Variants in FMO1 observed in about 807,000 individuals in gnomAD.
FMO1 encodes flavin containing dimethylaniline monoxygenase 1.
In FMO1, 36 loss-of-function variants were observed where a neutral mutation model predicts 45.4. The ratio of observed to expected loss-of-function variants is 0.79; its 90% CI spans 0.61 to 1.05. The LOEUF (loss-of-function observed/expected upper bound fraction) is 1.05, where lower values mean the gene tolerates loss of function less well. FMO1 is among the 50% of genes least tolerant of loss of function. The pLI, the probability that FMO1 is intolerant of heterozygous loss-of-function variation, is 0.00. For synonymous variants in FMO1, 228 were observed against 227.2 expected (o/e 1.00, Z -0.03); for missense variants, 615 against 640.3 (o/e 0.96, Z 0.43).
At chr1:171,283,304 G>GAA (rs1357287391) in intron 8 of FMO1, 88 bp downstream of exon 8, 2 of 346,124 alleles carry the variant, frequency 5.8e-6, no homozygotes, top group African/African-American at 9.2e-5. Context: ...AAAAGGAAAT[G>GAA]AAAAAGAAAA....
intron 4 of FMO1, 150 bp downstream of exon 4, chr1:171,275,658 T>C (rs1661080124): frequency 3.4e-6 from 2 of 592,754 alleles, no homozygotes; most frequent in Admixed American, 3.5e-5. Context: ...TTTGTTTTTT[T>C]CTAGCCAGCA....
At chr1:171,260,811 TCCCA>T (rs1660345648) in intron 2 of FMO1, among the ~76,000 whole-genome samples, 2 of 142,766 alleles carry the variant, frequency 1.4e-5, no homozygotes, top group African/African-American at 2.6e-5. Flanking sequence ...GCACCTGTAA[TCCCA>T]GCTACTCAGG....
chr1:171,279,036 T>C (rs1190891768), intron 5 of FMO1, among the ~76,000 whole-genome samples, 165 bp downstream of exon 5: 1 of 152,098 alleles, frequency 6.6e-6, no homozygotes, highest in African/African-American at 2.4e-5. Context: ...AATTTTTCTA[T>C]GAATTGCAGT....
intron 5 of FMO1, 95 bp from the exon 6 acceptor site, chr1:171,280,691 G>A (rs1021367766): frequency 8.9e-6 from 9 of 1,011,136 alleles, no homozygotes; most frequent in Admixed American, 1.8e-5. Flanking sequence ...AGACTTTTCA[G>A]TGCCTTTCCA....
intron 3 of FMO1, among the ~76,000 whole-genome samples, chr1:171,273,653 A>G (rs886399591): frequency 1.3e-5 from 2 of 152,088 alleles, no homozygotes; most frequent in Non-Finnish European, 2.9e-5. Context: ...AGCTGGGACT[A>G]TAGGCACATA....
intron 3 of FMO1, among the ~76,000 whole-genome samples, chr1:171,273,043 A>G (rs990171663): frequency 1.3e-5 from 2 of 152,202 alleles, no homozygotes; most frequent in African/African-American, 4.8e-5. Flanking sequence ...AGAGGGGTCC[A>G]GTGGGAGGTA....
At chr1:171,261,623 C>A (rs966959992) in intron 2 of FMO1, among the ~76,000 whole-genome samples, 1 of 152,154 alleles carries the variant, frequency 6.6e-6, no homozygotes, top group African/African-American at 2.4e-5. Context: ...GTGGCTCATG[C>A]CTGTAATCCC....
chr1:171,268,625 T>C lies in FMO1; in HGVS notation c.321+894T>C, dbSNP rs28360388. ...CTTTTTGTCCTTTTTTTTTCCTTTT[T>C]TTCTCTGTTTCCTCTCCAAGAAACA... is the stretch of plus-strand genomic sequence containing the variant. On this transcript the variant is annotated intron_variant, in intron 3 of 8. Transcript: ENST00000617670. 1.8e-3 allele frequency among the ~76,000 whole-genome samples: 277 copies of C among 152,328 alleles called. 2 individuals are homozygous for C. Among genetic ancestry groups the C allele is most frequent in the African/African-American group, 6.5e-3 (269 of 41,558 alleles).
In FMO1 at chr1:171,268,221, GGAACACA is replaced by G. The variant is rs565038976; in HGVS notation, c.321+492_321+498del. On this transcript the variant is annotated intron_variant, in intron 3 of 8. Transcript: ENST00000617670. Reference sequence around the variant, plus strand: ...CCCACCTCAGCCTCCCAAGTAGCTGGGAACACAGGTGCACACCACCACACCCAGCTAG... The same window carrying G: ...CCCACCTCAGCCTCCCAAGTAGCTGGGGTGCACACCACCACACCCAGCTAG... Among the ~76,000 whole-genome samples the G allele has an allele frequency of 2.4e-3, 369 of 152,268 alleles. 1 individual carries two copies. Among genetic ancestry groups the G allele is most frequent in the Non-Finnish European group, 3.9e-3 (263 of 68,024 alleles).
chr1:171,274,634 A>T (rs964331678), intron 3 of FMO1, among the ~76,000 whole-genome samples: 2 of 152,222 alleles, frequency 1.3e-5, no homozygotes, highest in African/African-American at 4.8e-5. Flanking sequence ...ATTAAGAGGG[A>T]CTTAAGAAGC....
At chr1:171,272,972 A>G (rs897631494) in intron 3 of FMO1, among the ~76,000 whole-genome samples, 2 of 152,160 alleles carry the variant, frequency 1.3e-5, no homozygotes, top group African/African-American at 4.8e-5. Context: ...GGCCAGGGGT[A>G]GAGTAATATG....
chr1:171,256,650 T>C (rs1660173710), intron 1 of FMO1, among the ~76,000 whole-genome samples: 1 of 152,130 alleles, frequency 6.6e-6, no homozygotes, highest in Non-Finnish European at 1.5e-5. Context: ...AAGAGGACCT[T>C]TTTATTTCAT....
At chr1:171,260,335 G>A (rs1660323275) in intron 2 of FMO1, among the ~76,000 whole-genome samples, 1 of 152,158 alleles carries the variant, frequency 6.6e-6, no homozygotes, top group Non-Finnish European at 1.5e-5. Context: ...AAACTATCTG[G>A]ATGACCAGAA....
rs373068389 is a variant in FMO1 at position 171,273,144 on chromosome 1, C to T, written c.322-2202C>T. Among the ~76,000 whole-genome samples the T allele has an allele frequency of 2.0e-5, 3 of 152,218 alleles. No individual in the cohort carries two copies. In the South Asian group the frequency reaches 6.2e-4, roughly 32 times the overall value. On this transcript the variant is annotated intron_variant, in intron 3 of 8. Coordinates refer to ENST00000617670, the MANE Select transcript of FMO1 (RefSeq NM_001282693.2). ...TGATGGTTTTATAAGGCAGAATTTCCCTGCACAAGCTCTCTTTTTGCCTGA... is the reference window on the plus strand; with the variant it reads ...TGATGGTTTTATAAGGCAGAATTTCTCTGCACAAGCTCTCTTTTTGCCTGA...
At chr1:171,271,286 A>C in intron 3 of FMO1, 2 of 1,249,970 alleles carry the variant, frequency 1.6e-6, no homozygotes, top group Non-Finnish European at 2.3e-6. Context: ...AACAGGAAAA[A>C]GGCTGAAGGA....
intron 8 of FMO1, 97 bp downstream of exon 8, chr1:171,283,313 A>AG: frequency 1.6e-6 from 1 of 619,478 alleles, no homozygotes; most frequent in African/African-American, 2.0e-5. Flanking sequence ...TGAAAAAGAA[A>AG]AAAAAACAAT....
intron 6 of FMO1, among the ~76,000 whole-genome samples, chr1:171,281,339 T>C (rs1558018533): frequency 6.6e-6 from 1 of 152,194 alleles, no homozygotes; most frequent in East Asian, 1.9e-4. Context: ...GATTTGTCTA[T>C]GACTTTGTTG....
chr1:171,271,798 C>G (rs897351008), intron 3 of FMO1, among the ~76,000 whole-genome samples: 2 of 152,170 alleles, frequency 1.3e-5, no homozygotes, highest in African/African-American at 4.8e-5. Context: ...AAAGAGGTGA[C>G]TTGGGTGCTG....
In FMO1 at chr1:171,280,727, C is replaced by T. The variant is rs868381930; in HGVS notation, c.628-59C>T. ...TTCATGACACTTCTTGAATCTCTGG[C>T]AGAACCAGCCAGCCGTGTTCACAGT... On this transcript the variant is annotated intron_variant, in intron 5 of 8. Transcript: ENST00000617670. The T allele has an allele frequency of 3.1e-5, 45 of 1,461,276 alleles. No individual in the cohort carries two copies. In the Middle Eastern group the frequency reaches 1.7e-3, roughly 55 times the overall value. 90.5% of individuals were successfully genotyped at this position (1,461,276 alleles called of 1,614,324 possible).
Sources: allele counts gnomAD v4.1 joint callset (sites outside exome capture counted in the v4.1 genomes callset), GRCh38; gene constraint gnomAD v4.1.1; transcripts MANE v1.5; gene names NCBI Gene and HGNC (gene_info 2026-07-23, HGNC 2026-07-21).